The following WWOX variants were observed in gnomAD, a reference collection of about 807,000 sequenced individuals.
WWOX encodes WW domain containing oxidoreductase.
A neutral mutation model predicts 46.2 loss-of-function variants in WWOX; 69 were observed. That is an observed-to-expected ratio of 1.49 (90% CI 1.23 to 1.82). The LOEUF is 1.82. WWOX is among the 40% of genes most tolerant of loss of function. The pLI is 0.00. For synonymous variants in WWOX, 359 were observed against 202.6 expected, an observed-to-expected ratio of 1.77 and a Z score of -6.56; for missense variants, 919 against 542.6, an observed-to-expected ratio of 1.69 and a Z score of -6.89.
At chr16:79,059,860 A>C (rs2048328498) in intron 8 of WWOX, among the ~76,000 whole-genome samples, 1 of 152,250 alleles carries the variant, frequency 6.6e-6, no homozygotes, top group South Asian at 2.1e-4. Flanking sequence ...TGGTTCGCAC[A>C]CACAAAAATA....
chr16:78,852,548 A>G (rs2052472689), intron 8 of WWOX, among the ~76,000 whole-genome samples: 1 of 152,208 alleles, frequency 6.6e-6, no homozygotes, highest in African/African-American at 2.4e-5. Flanking sequence ...GGATGACCAC[A>G]GATGAAATGA....
intron 8 of WWOX, among the ~76,000 whole-genome samples, chr16:78,539,824 C>T (rs951705838): frequency 1.3e-5 from 2 of 152,072 alleles, no homozygotes; most frequent in South Asian, 2.1e-4. Context: ...GCTGGGAATG[C>T]GTTCATTTTC....
At chr16:78,688,230 T>G (rs2047906109) in intron 8 of WWOX, among the ~76,000 whole-genome samples, 1 of 152,070 alleles carries the variant, frequency 6.6e-6, no homozygotes, top group Non-Finnish European at 1.5e-5. Context: ...TGAAACGCAG[T>G]GATTTATTTA....
chr16:78,957,053 G>C (rs994309883), intron 8 of WWOX, among the ~76,000 whole-genome samples: 26 of 152,232 alleles, frequency 1.7e-4, no homozygotes, highest in African/African-American at 6.3e-4. Context: ...TGCCTCATGT[G>C]ACTTTCTATA....
intron 5 of WWOX, chr16:78,281,109 A>G (rs1466155768): frequency 2.6e-5 from 4 of 152,250 alleles, no homozygotes; most frequent in Non-Finnish European, 5.9e-5. Context: ...AAAAAATAAT[A>G]AAAGCGAGAT....
chr16:78,727,963 T>C (rs1473985482), intron 8 of WWOX, among the ~76,000 whole-genome samples: 1 of 151,588 alleles, frequency 6.6e-6, no homozygotes, highest in African/African-American at 2.4e-5. Context: ...AAAATAGAAA[T>C]AGTCAAATTC....
intron 8 of WWOX, among the ~76,000 whole-genome samples, chr16:78,440,952 C>CT (rs1030152204): frequency 7.9e-5 from 12 of 151,294 alleles, no homozygotes; most frequent in South Asian, 2.1e-4. Flanking sequence ...CTTTTCTTTT[C>CT]TTTTTTTTGA....
At chr16:78,250,664 A>G (rs187368007) in intron 5 of WWOX, among the ~76,000 whole-genome samples, 1 of 152,274 alleles carries the variant, frequency 6.6e-6, no homozygotes, top group Admixed American at 6.5e-5. Context: ...GGTTACATAT[A>G]GGGGAGAGAG....
chr16:78,578,130 A>C (rs1868779507), intron 8 of WWOX, among the ~76,000 whole-genome samples: 1 of 151,202 alleles, frequency 6.6e-6, no homozygotes, highest in Non-Finnish European at 1.5e-5. Flanking sequence ...GACACTATGC[A>C]CTAATTAAGC....
At chr16:78,916,360 A>G (rs1429721757) in intron 8 of WWOX, among the ~76,000 whole-genome samples, 1 of 152,212 alleles carries the variant, frequency 6.6e-6, no homozygotes, top group East Asian at 1.9e-4. Context: ...CTCGTTCGAC[A>G]GCTGTAAAGC....
chr16:78,111,483 C>T (rs113070905), intron 3 of WWOX, among the ~76,000 whole-genome samples: 3,286 of 152,240 alleles, frequency 0.022, 52 homozygotes, highest in Middle Eastern at 0.041. Context: ...CTGTCACACC[C>T]GCATAAGGGC....
chr16:79,148,884 C>A (rs1017081611), intron 8 of WWOX, among the ~76,000 whole-genome samples: 3 of 150,430 alleles, frequency 2.0e-5, no homozygotes, highest in African/African-American at 7.3e-5. Flanking sequence ...TTGCTGATTG[C>A]ATTTATTATA....
intron 5 of WWOX, among the ~76,000 whole-genome samples, chr16:78,276,470 T>C (rs891987737): frequency 2.6e-5 from 4 of 151,852 alleles, no homozygotes; most frequent in African/African-American, 9.7e-5. Flanking sequence ...CAAAGCAGAG[T>C]TTTTCCAGTC....
chr16:78,115,723 A>C (rs559275774), intron 4 of WWOX, among the ~76,000 whole-genome samples: 79 of 152,302 alleles, frequency 5.2e-4, no homozygotes, highest in Middle Eastern at 6.8e-3. Flanking sequence ...TTGCTTCAAT[A>C]TGATGGGCCA....
At chr16:78,681,510 A>C (rs17722281) in intron 8 of WWOX, among the ~76,000 whole-genome samples, 50,859 of 151,214 alleles carry the variant, frequency 0.34, 10,590 homozygotes, top group Admixed American at 0.51. Flanking sequence ...GACTTCAAAA[A>C]ACAGGGCTCG....
At chr16:79,111,681 A>G (rs879696042) in intron 8 of WWOX, among the ~76,000 whole-genome samples, 1 of 152,236 alleles carries the variant, frequency 6.6e-6, no homozygotes, top group African/African-American at 2.4e-5. Flanking sequence ...GCAAATCAGC[A>G]TGGGTAATGT....
intron 8 of WWOX, among the ~76,000 whole-genome samples, chr16:78,802,137 C>G (rs1013082569): frequency 2.0e-5 from 3 of 147,960 alleles, no homozygotes; most frequent in Non-Finnish European, 3.0e-5. Flanking sequence ...ATCAGACGTG[C>G]TTTTGAAATA....
intron 8 of WWOX, among the ~76,000 whole-genome samples, chr16:79,093,764 A>G (rs537552802): frequency 1.4e-4 from 22 of 152,298 alleles, no homozygotes; most frequent in African/African-American, 4.1e-4. Flanking sequence ...CTCTTCTCCA[A>G]TCATTGATAC....
At chr16:78,141,993 CTTT>C (rs34178361) in intron 4 of WWOX, among the ~76,000 whole-genome samples, 1,961 of 145,910 alleles carry the variant, frequency 0.013, 40 homozygotes, top group African/African-American at 0.044. Flanking sequence ...TTTTAAATTT[CTTT>C]TTTTTTTTTT....
Sources: gnomAD v4.1 joint callset for allele counts (sites outside exome capture counted in the v4.1 genomes callset) on GRCh38, gnomAD v4.1.1 for gene constraint, MANE v1.5 for transcripts, NCBI Gene and HGNC (gene_info 2026-07-23, HGNC 2026-07-21) for gene names.